SUSD6: variants seen among roughly 807,000 people sequenced by gnomAD.
The protein encoded by SUSD6 is sushi domain containing 6.
A neutral mutation model predicts 28.4 loss-of-function variants in SUSD6; 16 were observed. That is an observed-to-expected ratio of 0.56 (90% CI 0.38 to 0.86). The LOEUF (loss-of-function observed/expected upper bound fraction) is 0.86, where lower values mean the gene tolerates loss of function less well. Ranked by LOEUF, SUSD6 falls within the 40% of genes least tolerant of loss-of-function variation. SUSD6 has a pLI of 0.00. For missense variants in SUSD6, 341 were observed against 384.2 expected (o/e 0.89, Z 0.94); for synonymous variants, 147 against 159.6 (o/e 0.92, Z 0.59).
intron 2 of SUSD6, among the ~76,000 whole-genome samples, chr14:69,661,316 G>A (rs1487156599): frequency 2.0e-5 from 3 of 152,010 alleles, no homozygotes; most frequent in Non-Finnish European, 4.4e-5. Context: ...CACCTTCCCA[G>A]CTTCCCACTC....
At position 69,638,131 on chromosome 14, in the gene SUSD6, A is replaced by G. The variant is rs935723699; in HGVS notation, c.-80-20382A>G. Among the ~76,000 whole-genome samples, 6 of 152,194 alleles carry G rather than the reference A, an allele frequency of 3.9e-5. No homozygotes were observed. The South Asian group carries it at 1.0e-3, about 26-fold the overall frequency. On this transcript the variant is annotated intron_variant, in intron 1 of 5. Coordinates refer to ENST00000342745, the MANE Select transcript of SUSD6 (RefSeq NM_014734.4). The stretch of plus-strand genomic sequence containing the variant: ...GAAACAAAAACAAAAAATGTTAGAA[A>G]TGAAACTTTGGACCCTTGTTATTCT...
rs779583841 is a variant in SUSD6, at chr14:69,709,085, G to A, written c.867G>A (p.Thr289=). The A allele has an allele frequency of 2.1e-5, 34 of 1,601,206 alleles. No homozygotes were observed. Among genetic ancestry groups the A allele is most frequent in the East Asian group, 2.0e-4 (9 of 44,788 alleles). ...ACATACAAAGCCTTTTATCCCTCAC[G>A]TCAGAGGAGTACACAGATGGTGAGT... ...NSDIQSLLSL[T]SEEYTDDIPL... The change falls in exon 5 of 6, where the codon ACG becomes ACA. Residue 289 remains threonine (T), a synonymous_variant. Coordinates refer to ENST00000342745, the MANE Select transcript of SUSD6 (RefSeq NM_014734.4).
Position 69,714,934 on chromosome 14 carries a change from A to G in SUSD6, c.*3955A>G, listed in dbSNP as rs1280451640. The G allele has an allele frequency of 1.3e-5, 2 of 152,190 alleles. No homozygotes were observed. The highest frequency in any genetic ancestry group is 4.8e-5 in the African/African-American group (2 of 41,438). 9.4% of individuals were successfully genotyped at this position (152,190 alleles called of 1,614,324 possible). A position where few individuals can be genotyped will look rare whatever the true frequency, so the allele number is the denominator to read the frequency against. On this transcript the variant is annotated 3_prime_UTR_variant, in exon 6 of 6. Coordinates refer to ENST00000342745, the MANE Select transcript of SUSD6 (RefSeq NM_014734.4). ...GGTACTCATATAATGGTTTAAAACA[A>G]CACATTCATAATTGACTCTGTGCAG...
chr14:69,702,804 G>A (rs1270957496), intron 2 of SUSD6, among the ~76,000 whole-genome samples: 1 of 152,168 alleles, frequency 6.6e-6, no homozygotes, highest in African/African-American at 2.4e-5. Context: ...TTGAAACTAG[G>A]CAGTCCTGTA....
intron 2 of SUSD6, among the ~76,000 whole-genome samples, chr14:69,673,028 T>C (rs1165772894): frequency 2.0e-5 from 3 of 152,038 alleles, no homozygotes; most frequent in African/African-American, 7.2e-5. Context: ...TTGCACAGAG[T>C]CTTGAACCCT....
chr14:69,686,284 C>G (rs1886072115), intron 2 of SUSD6, among the ~76,000 whole-genome samples: 1 of 152,142 alleles, frequency 6.6e-6, no homozygotes, highest in East Asian at 1.9e-4. Flanking sequence ...CTCTAAAAGG[C>G]AGGCTATAAT....
intron 1 of SUSD6, among the ~76,000 whole-genome samples, chr14:69,622,751 G>A (rs139956666): frequency 2.9e-3 from 440 of 152,066 alleles, no homozygotes; most frequent in African/African-American, 0.01. Context: ...CCACCACCAC[G>A]CCTGGCTAAT....
intron 2 of SUSD6, among the ~76,000 whole-genome samples, chr14:69,680,333 G>A (rs534589771): frequency 6.6e-6 from 1 of 152,092 alleles, no homozygotes; most frequent in South Asian, 2.1e-4. Context: ...CTGGTTAACT[G>A]CAGTCAAGGA....
chr14:69,647,417 G>C (rs1047211810), intron 1 of SUSD6, among the ~76,000 whole-genome samples: 1 of 152,068 alleles, frequency 6.6e-6, no homozygotes, highest in Admixed American at 6.6e-5. Flanking sequence ...AGTGGGGGTG[G>C]GGTTGTCCAT....
At chr14:69,612,181 T>C (rs1436866252) in intron 1 of SUSD6, among the ~76,000 whole-genome samples, 7 of 152,158 alleles carry the variant, frequency 4.6e-5, no homozygotes, top group Non-Finnish European at 7.4e-5. Flanking sequence ...CCAGACGCCG[T>C]GCCGATGGGT....
At chr14:69,622,704 C>T (rs1885059340) in intron 1 of SUSD6, among the ~76,000 whole-genome samples, 1 of 152,164 alleles carries the variant, frequency 6.6e-6, no homozygotes, top group Admixed American at 6.5e-5. Flanking sequence ...AGCGATTCTC[C>T]TGCCTCAGCC....
chr14:69,700,855 T>G lies in SUSD6; in HGVS notation c.122-2540T>G, dbSNP rs148433033. On this transcript the variant is annotated intron_variant, in intron 2 of 5. Coordinates refer to ENST00000342745, the MANE Select transcript of SUSD6 (RefSeq NM_014734.4). The stretch of plus-strand genomic sequence containing the variant: ...GGGACACTGTGCACCCTTTTTGAAT[T>G]TAATACCTTGTATATTTCCCATGAG... Among the ~76,000 whole-genome samples, 23 of 152,338 alleles carry G rather than the reference T, an allele frequency of 1.5e-4. 2 individuals carry two copies. The East Asian group carries it at 4.2e-3, about 28-fold the overall frequency.
rs181462428 is a variant in SUSD6, at chr14:69,660,576, T to C, written c.121+1863T>C. On this transcript the variant is annotated intron_variant, in intron 2 of 5. Coordinates refer to ENST00000342745, the MANE Select transcript of SUSD6 (RefSeq NM_014734.4). ...AACCAGAGGAGGCCTCTAGAAGTGC[T>C]AGTTGCAGAACCACAGAGTGTGGTT... 4.3e-3 allele frequency among the ~76,000 whole-genome samples: 650 copies of C among 152,370 alleles called. 1 individual carries two copies. Among genetic ancestry groups the C allele is most frequent in the Middle Eastern group, 0.014 (4 of 294 alleles).
At chr14:69,658,794 TCTC>T (rs1885622169) in intron 2 of SUSD6, 81 bp downstream of exon 2, 1 of 1,578,746 alleles carries the variant, frequency 6.3e-7, no homozygotes, top group Admixed American at 1.7e-5. Flanking sequence ...GACAGGGGAC[TCTC>T]CTCCTGGCAG....
At chr14:69,708,033 G>A (rs1264723840) in intron 4 of SUSD6, among the ~76,000 whole-genome samples, 1 of 152,054 alleles carries the variant, frequency 6.6e-6, no homozygotes, top group Non-Finnish European at 1.5e-5. Flanking sequence ...GATTTTTCTT[G>A]TGTTCTGTTT....
At chr14:69,690,425 T>C (rs1886136578) in intron 2 of SUSD6, among the ~76,000 whole-genome samples, 1 of 152,230 alleles carries the variant, frequency 6.6e-6, no homozygotes, top group African/African-American at 2.4e-5. Context: ...TCCTGTTGTT[T>C]TTAAAGATCC....
intron 1 of SUSD6, among the ~76,000 whole-genome samples, chr14:69,647,883 G>A (rs1885450767): frequency 1.3e-5 from 2 of 152,130 alleles, no homozygotes; most frequent in Non-Finnish European, 2.9e-5. Flanking sequence ...TAATCGGGTG[G>A]CTGAGGCGTG....
intron 2 of SUSD6, among the ~76,000 whole-genome samples, chr14:69,682,493 C>G (rs543857142): frequency 6.6e-6 from 1 of 152,216 alleles, no homozygotes; most frequent in South Asian, 2.1e-4. Flanking sequence ...GAAAAACAAT[C>G]CTTGTAATCA....
intron 2 of SUSD6, among the ~76,000 whole-genome samples, chr14:69,662,772 T>G (rs1438990853): frequency 1.3e-5 from 2 of 152,244 alleles, no homozygotes; most frequent in Non-Finnish European, 2.9e-5. Context: ...AGAAACTTGC[T>G]GTATGACCTG....
Sources: gnomAD v4.1 joint callset for allele counts (sites outside exome capture counted in the v4.1 genomes callset) on GRCh38, gnomAD v4.1.1 for gene constraint, MANE v1.5 for transcripts, NCBI Gene and HGNC (gene_info 2026-07-23, HGNC 2026-07-21) for gene names.